The following TTC7A variants were observed in gnomAD, a reference collection of about 807,000 sequenced individuals.
TTC7A encodes the protein tetratricopeptide repeat domain 7A.
A neutral mutation model predicts 103.7 loss-of-function variants in TTC7A; 110 were observed. The observed-to-expected ratio is 1.06, with a 90% CI of 0.91 to 1.24. The LOEUF is 1.24. TTC7A is among the 50% of genes most tolerant of loss of function. The pLI, the probability that TTC7A is intolerant of heterozygous loss-of-function variation, is 0.00. For missense variants in TTC7A, 1,340 were observed against 1,116.3 expected (o/e 1.20, Z -2.86); for synonymous variants, 521 against 467.9 (o/e 1.11, Z -1.47).
chr2:47,030,802 T>C (rs1183145725), intron 15 of TTC7A, among the ~76,000 whole-genome samples: 4 of 152,172 alleles, frequency 2.6e-5, no homozygotes, highest in Non-Finnish European at 5.9e-5. Context: ...AGCCTGTCTT[T>C]TATGTTCGTG....
At chr2:46,917,247 C>T (rs571422859) in exon 2 of TTC7A, 18 of 700,248 alleles carry the variant, frequency 2.6e-5, no homozygotes, top group African/African-American at 2.1e-4. Flanking sequence ...CTCCCACCAC[C>T]TCCGCCTCCC....
chr2:47,026,061 G>A (rs1234331277), intron 14 of TTC7A, among the ~76,000 whole-genome samples: 2 of 152,194 alleles, frequency 1.3e-5, no homozygotes, highest in East Asian at 1.9e-4. Context: ...CCAGGCCAGC[G>A]GAGCCAGTGG....
Position 47,006,627 on chromosome 2 carries a change from T to C in TTC7A, c.1204-14T>C, listed in dbSNP as rs1295561968. 12 of 1,612,232 alleles carry C rather than the reference T, an allele frequency of 7.4e-6. No individual in the cohort carries two copies. The East Asian group carries it at 2.7e-4, about 36-fold the overall frequency. ...ACCCCTGGTGGGTAAATGCTGACTA[T>C]CTCCCCTCCCCAGTGCCTGGAGCGA... is the stretch of plus-strand genomic sequence containing the variant. On this transcript the variant is annotated splice_polypyrimidine_tract_variant and intron_variant, in intron 9 of 19. Coordinates refer to ENST00000319190, the MANE Select transcript of TTC7A (RefSeq NM_020458.4).
intron 8 of TTC7A, among the ~76,000 whole-genome samples, chr2:47,001,110 A>G (rs1676759629): frequency 6.6e-6 from 1 of 152,182 alleles, no homozygotes; most frequent in African/African-American, 2.4e-5. Context: ...ATAGGCTGAG[A>G]GTACACAGAA....
intron 3 of TTC7A, among the ~76,000 whole-genome samples, chr2:46,968,153 G>A (rs569499483): frequency 6.6e-6 from 1 of 152,236 alleles, no homozygotes; most frequent in Admixed American, 6.5e-5. Context: ...GTTGGGACCA[G>A]CCTGGTGTTG....
chr2:46,994,270 T>C, intron 6 of TTC7A, 87 bp from the exon 7 acceptor site: 19 of 1,481,012 alleles, frequency 1.3e-5, no homozygotes, highest in Non-Finnish European at 1.5e-5. Context: ...GGGGCAGATT[T>C]AGCTGGGATG....
chr2:46,951,812 CAA>C (rs1671442135), intron 2 of TTC7A: 4 of 369,556 alleles, frequency 1.1e-5, no homozygotes, highest in Non-Finnish European at 2.2e-5. Flanking sequence ...TGAAGGCAAT[CAA>C]GACGAATCCA....
chr2:47,038,291 G>A (rs1380195251), intron 15 of TTC7A, among the ~76,000 whole-genome samples: 1 of 151,772 alleles, frequency 6.6e-6, no homozygotes, highest in East Asian at 1.9e-4. Context: ...AAAAAGCTGA[G>A]GCTCTGTGAC....
chr2:47,013,778 C>T (rs757814208), intron 11 of TTC7A, among the ~76,000 whole-genome samples: 2 of 152,166 alleles, frequency 1.3e-5, no homozygotes, highest in Non-Finnish European at 2.9e-5. Flanking sequence ...AATAGAAAAG[C>T]CCAAAAGGAA....
intron 19 of TTC7A, among the ~76,000 whole-genome samples, chr2:47,069,108 G>T (rs990520414): frequency 2.0e-5 from 3 of 152,110 alleles, no homozygotes; most frequent in Non-Finnish European, 2.9e-5. Context: ...GACCTGGAGG[G>T]CTGGGCCAGG....
At chr2:47,021,544 C>T (rs1420103913) in intron 11 of TTC7A, among the ~76,000 whole-genome samples, 7 of 152,214 alleles carry the variant, frequency 4.6e-5, no homozygotes, top group Non-Finnish European at 8.8e-5. Context: ...GTTCCTGAGG[C>T]CCAGCCAGAG....
intron 2 of TTC7A, among the ~76,000 whole-genome samples, chr2:46,932,848 C>T (rs988235651): frequency 1.4e-5 from 2 of 148,038 alleles, no homozygotes; most frequent in Non-Finnish European, 3.0e-5. Flanking sequence ...TTGCAGCAAG[C>T]GCAGATCGCA....
At chr2:47,016,193 C>T (rs1273492461) in intron 11 of TTC7A, among the ~76,000 whole-genome samples, 2 of 152,128 alleles carry the variant, frequency 1.3e-5, no homozygotes, top group Non-Finnish European at 2.9e-5. Context: ...TGTAAAGTCA[C>T]AGGAAATTTT....
At chr2:46,957,351 C>T (rs4953437) in intron 3 of TTC7A, among the ~76,000 whole-genome samples, 100,455 of 152,218 alleles carry the variant, frequency 0.66, 33,835 homozygotes, top group East Asian at 0.74. Flanking sequence ...GACCAAGAGT[C>T]ATCAGCAGAA....
At chr2:46,994,297 G>C in intron 6 of TTC7A, 60 bp from the exon 7 acceptor site, 4 of 1,558,262 alleles carry the variant, frequency 2.6e-6, no homozygotes, top group Non-Finnish European at 3.5e-6. Flanking sequence ...GGGCGTTCTA[G>C]GTCATGCTGG....
chr2:46,936,020 G>T (rs1200762168), intron 2 of TTC7A, among the ~76,000 whole-genome samples: 1 of 152,140 alleles, frequency 6.6e-6, no homozygotes, highest in Non-Finnish European at 1.5e-5. Flanking sequence ...GAGCCCAGGA[G>T]TTCAAGGCTG....
At chr2:47,002,113 G>T (rs771723290) in intron 8 of TTC7A, among the ~76,000 whole-genome samples, 1 of 152,192 alleles carries the variant, frequency 6.6e-6, no homozygotes, top group Non-Finnish European at 1.5e-5. Context: ...CTGCCAGAAG[G>T]CTTGCAGTGA....
At chr2:47,069,545 G>GTT (rs900338165) in intron 19 of TTC7A, among the ~76,000 whole-genome samples, 14 of 152,118 alleles carry the variant, frequency 9.2e-5, no homozygotes, top group African/African-American at 3.4e-4. Context: ...GGCTGGAAGG[G>GTT]TTTGCTCCCC....
At chr2:46,926,745 A>G (rs981789975) in intron 2 of TTC7A, among the ~76,000 whole-genome samples, 2 of 152,242 alleles carry the variant, frequency 1.3e-5, no homozygotes, top group African/African-American at 4.8e-5. Context: ...ACAACTAGAC[A>G]TGAGGAAACA....
Sources: allele counts gnomAD v4.1 joint callset (sites outside exome capture counted in the v4.1 genomes callset), GRCh38; gene constraint gnomAD v4.1.1; transcripts MANE v1.5; gene names NCBI Gene and HGNC (gene_info 2026-07-23, HGNC 2026-07-21).